The following RCAN2 variants were observed in gnomAD, a reference collection of about 807,000 sequenced individuals.
RCAN2 encodes calcipressin-2.
A neutral mutation model predicts 23.6 loss-of-function variants in RCAN2; 9 were observed. The observed-to-expected ratio is 0.38, with a 90% CI of 0.23 to 0.67. RCAN2 has a LOEUF of 0.67. RCAN2 is among the 30% of genes least tolerant of loss of function. The probability of loss-of-function intolerance (pLI) is 0.51; values close to 1 mark genes in which losing one functional copy is unlikely to be tolerated. For missense variants in RCAN2, 273 were observed against 302.3 expected (o/e 0.90, Z 0.72); for synonymous variants, 109 against 115.7 (o/e 0.94, Z 0.37).
rs1407097521 is a variant in RCAN2 at position 46,363,792 on chromosome 6, G to A, written c.225+92960C>T. Among the ~76,000 whole-genome samples the A allele has an allele frequency of 5.1e-5, 4 of 78,338 alleles. No homozygotes were observed. In the Admixed American group the frequency reaches 7.0e-4, roughly 14 times the overall value. The allele number at this position is 78,338 out of a possible 152,430, so 51.4% of individuals were successfully genotyped here. ...GATAATTTTTAAAAAGTAAAATAATGATTCTCATGCAAATAAAAAAAATGC... is the reference window on the plus strand; with the variant it reads ...GATAATTTTTAAAAAGTAAAATAATAATTCTCATGCAAATAAAAAAAATGC... On this transcript the variant is annotated intron_variant, in intron 2 of 4. Coordinates refer to ENST00000371374, the MANE Select transcript of RCAN2 (RefSeq NM_001251974.2).
intron 2 of RCAN2, among the ~76,000 whole-genome samples, chr6:46,342,992 C>T (rs1432361360): frequency 6.6e-6 from 1 of 152,074 alleles, no homozygotes; most frequent in East Asian, 1.9e-4. Context: ...GATGCAGAGA[C>T]ATTTGAAGAA....
At chr6:46,269,898 C>T (rs775264165) in intron 2 of RCAN2, among the ~76,000 whole-genome samples, 5 of 152,170 alleles carry the variant, frequency 3.3e-5, no homozygotes, top group Admixed American at 6.5e-5. Flanking sequence ...TTCCCCTCTC[C>T]TCTCATGGAG....
At chr6:46,403,739 C>T (rs1380536141) in intron 2 of RCAN2, among the ~76,000 whole-genome samples, 1 of 152,048 alleles carries the variant, frequency 6.6e-6, no homozygotes, top group Non-Finnish European at 1.5e-5. Context: ...TTACCTGCTC[C>T]TGCTGTTTAA....
intron 2 of RCAN2, among the ~76,000 whole-genome samples, chr6:46,315,457 G>A (rs1232362782): frequency 6.6e-6 from 1 of 152,184 alleles, no homozygotes; most frequent in Non-Finnish European, 1.5e-5. Context: ...TGAGGAGCAA[G>A]CCATGTAGGC....
At chr6:46,460,070 C>T (rs1210375309) in intron 1 of RCAN2, among the ~76,000 whole-genome samples, 2 of 150,968 alleles carry the variant, frequency 1.3e-5, no homozygotes, top group African/African-American at 4.9e-5. Context: ...TTTTTTTCCA[C>T]TTTTTCAGAG....
chr6:46,479,925 G>A (rs1768810984), intron 1 of RCAN2, among the ~76,000 whole-genome samples: 2 of 152,128 alleles, frequency 1.3e-5, no homozygotes, highest in East Asian at 3.9e-4. Context: ...GGACCAGTGT[G>A]CCATGCAGTC....
chr6:46,241,860 G>T (rs1336675695), intron 4 of RCAN2, among the ~76,000 whole-genome samples: 1 of 152,174 alleles, frequency 6.6e-6, no homozygotes, highest in Non-Finnish European at 1.5e-5. Context: ...ATTTAGAACA[G>T]TGCCTGGCAC....
chr6:46,487,399 C>T (rs1036032813), intron 1 of RCAN2, among the ~76,000 whole-genome samples: 1 of 152,152 alleles, frequency 6.6e-6, no homozygotes, highest in Non-Finnish European at 1.5e-5. Context: ...TAAGAGGTGG[C>T]CCCTATCAAA....
chr6:46,230,500 CTGCCACCT>C (rs938150483), intron 4 of RCAN2, among the ~76,000 whole-genome samples: 1 of 152,218 alleles, frequency 6.6e-6, no homozygotes, highest in African/African-American at 2.4e-5. Context: ...CACAGCCTCC[CTGCCACCT>C]TGCAGTTTGA....
In RCAN2 at chr6:46,372,055, A is replaced by G. The variant is rs533956825; in HGVS notation, c.225+84697T>C. 2.6e-5 allele frequency among the ~76,000 whole-genome samples: 4 copies of G among 152,350 alleles called. No individual in the cohort carries two copies. The South Asian group carries it at 8.3e-4, about 32-fold the overall frequency. On this transcript the variant is annotated intron_variant, in intron 2 of 4. Transcript: ENST00000371374. ...ATGCATGGCCCAGAACCAGGGTTGG[A>G]CAGAGACCCCTTTGGACTCTAATTC...
chr6:46,280,423 TC>T (rs142538891), intron 2 of RCAN2, among the ~76,000 whole-genome samples: 2,872 of 152,126 alleles, frequency 0.019, 85 homozygotes, highest in African/African-American at 0.062. Flanking sequence ...GTTAAAAGGA[TC>T]TTTGCTGAAA....
At chr6:46,343,917 C>T (rs1251142749) in intron 2 of RCAN2, among the ~76,000 whole-genome samples, 2 of 152,132 alleles carry the variant, frequency 1.3e-5, no homozygotes, top group Non-Finnish European at 2.9e-5. Flanking sequence ...GAATAAACTA[C>T]TGACATGCTA....
intron 2 of RCAN2, among the ~76,000 whole-genome samples, chr6:46,300,979 T>C (rs1175412427): frequency 1.3e-5 from 2 of 151,984 alleles, no homozygotes; most frequent in African/African-American, 4.8e-5. Flanking sequence ...TCATTTTTTT[T>C]TTAAATCCGA....
chr6:46,248,836 T>C lies in RCAN2; in HGVS notation c.286A>G (p.Ser96Gly). ...DDCVTFQLFKSFRRVRINFSN... is the reference protein window; with the variant it reads ...DDCVTFQLFKGFRRVRINFSN... ...AAGTTTATACGGACACGTCTGAAAC[T>C]CTTAAATAGCTGGAACGTCACACAG... The change falls in exon 3 of 5, where the codon AGT (serine) becomes GGT (glycine). Residue 96 changes from serine (S) to glycine (G), a missense_variant. Coordinates refer to ENST00000371374, the MANE Select transcript of RCAN2 (RefSeq NM_001251974.2). The C allele has an allele frequency of 6.2e-7, 1 of 1,613,108 alleles. No individual in the cohort carries two copies. Among genetic ancestry groups the C allele is most frequent in the Non-Finnish European group, 8.5e-7 (1 of 1,179,772 alleles).
chr6:46,376,917 G>A (rs1036528954), intron 2 of RCAN2, among the ~76,000 whole-genome samples: 1 of 150,972 alleles, frequency 6.6e-6, no homozygotes, highest in South Asian at 2.1e-4. Context: ...TTGCTCATGT[G>A]GAAGTGTAGA....
intron 2 of RCAN2, among the ~76,000 whole-genome samples, chr6:46,376,863 C>A (rs533354816): frequency 6.6e-6 from 1 of 151,616 alleles, no homozygotes; most frequent in Non-Finnish European, 1.5e-5. Flanking sequence ...CTTCCCCCCG[C>A]CCCGCACCCC....
At position 46,467,091 on chromosome 6, in the gene RCAN2, A is replaced by C. The variant is rs543857593; in HGVS notation, c.-2-10113T>G. On this transcript the variant is annotated intron_variant, in intron 1 of 4. Coordinates refer to ENST00000371374, the MANE Select transcript of RCAN2 (RefSeq NM_001251974.2). ...GTCTTGCGCTTGCACCTCTTGGGAC[A>C]CTTACTTTGTTTTGCCTCTCTTTGC... Among the ~76,000 whole-genome samples, 33 of 152,194 alleles carry C rather than the reference A, an allele frequency of 2.2e-4. 1 individual carries two copies. The South Asian group carries it at 6.9e-3, about 32-fold the overall frequency.
intron 2 of RCAN2, among the ~76,000 whole-genome samples, chr6:46,250,674 T>C (rs1766679147): frequency 6.6e-6 from 1 of 152,232 alleles, no homozygotes; most frequent in Non-Finnish European, 1.5e-5. Flanking sequence ...ACTAGAGAGA[T>C]ACTGTCAACT....
At position 46,381,429 on chromosome 6, in the gene RCAN2, GACACATGTGACAATAT is replaced by G. The variant is rs1375000368; in HGVS notation, c.225+75307_225+75322del. Among the ~76,000 whole-genome samples, 4 of 152,102 alleles carry G rather than the reference GACACATGTGACAATAT, an allele frequency of 2.6e-5. No individual in the cohort carries two copies. The East Asian group carries it at 7.7e-4, about 29-fold the overall frequency. On this transcript the variant is annotated intron_variant, in intron 2 of 4. Transcript: ENST00000371374. ...CTGAAATCAGATTCTATAAACTGAGGACACATGTGACAATATACAAATCTACTGAGAATGAACAGGA... is the reference window on the plus strand; with the variant it reads ...CTGAAATCAGATTCTATAAACTGAGGACAAATCTACTGAGAATGAACAGGA...
Sources: allele counts gnomAD v4.1 joint callset (sites outside exome capture counted in the v4.1 genomes callset), GRCh38; gene constraint gnomAD v4.1.1; transcripts MANE v1.5; gene names NCBI Gene and HGNC (gene_info 2026-07-23, HGNC 2026-07-21).